Variants in CFAP61 observed in about 807,000 individuals in gnomAD.
CFAP61 encodes cilia and flagella associated protein 61.
Under a neutral mutation model 135.6 loss-of-function variants are expected in CFAP61, and 107 were observed. The ratio of observed to expected loss-of-function variants is 0.79; its 90% CI spans 0.67 to 0.93. The LOEUF (loss-of-function observed/expected upper bound fraction) is 0.93. Ranked by LOEUF, CFAP61 falls within the 40% of genes least tolerant of loss-of-function variation. The probability of loss-of-function intolerance (pLI) is 0.00; values close to 1 mark genes in which losing one functional copy is unlikely to be tolerated. For synonymous variants in CFAP61, 575 were observed against 578.5 expected (o/e 0.99, Z 0.09); for missense variants, 1,507 against 1,556.2 (o/e 0.97, Z 0.53).
intron 22 of CFAP61, among the ~76,000 whole-genome samples, chr20:20,285,860 G>A (rs1304409101): frequency 6.6e-6 from 1 of 150,874 alleles, no homozygotes; most frequent in African/African-American, 2.4e-5. Flanking sequence ...GGTCAAGGCT[G>A]CAGTAAGCTG....
chr20:20,244,780 T>C (rs1334051357), intron 18 of CFAP61, among the ~76,000 whole-genome samples: 1 of 152,226 alleles, frequency 6.6e-6, no homozygotes, highest in African/African-American at 2.4e-5. Flanking sequence ...AAGCTGCAAA[T>C]TTTCCAAACT....
intron 17 of CFAP61, chr20:20,200,965 A>G: frequency 1.0e-6 from 1 of 985,294 alleles, no homozygotes; most frequent in Non-Finnish European, 1.2e-6. Flanking sequence ...ATTCATCTTT[A>G]TATTTGTAAA....
At chr20:20,229,739 A>G (rs2048997619) in intron 18 of CFAP61, among the ~76,000 whole-genome samples, 1 of 152,264 alleles carries the variant, frequency 6.6e-6, no homozygotes, top group Non-Finnish European at 1.5e-5. Context: ...TCAGTTCTCC[A>G]GAACATACTC....
intron 25 of CFAP61, among the ~76,000 whole-genome samples, chr20:20,326,127 T>C (rs543376162): frequency 1.8e-4 from 28 of 152,298 alleles, no homozygotes; most frequent in African/African-American, 6.0e-4. Context: ...TATGTCTTCT[T>C]TGGTGACGTG....
chr20:20,068,722 A>G (rs1485505614), intron 2 of CFAP61, among the ~76,000 whole-genome samples: 1 of 152,148 alleles, frequency 6.6e-6, no homozygotes, highest in Non-Finnish European at 1.5e-5. Context: ...TTTTTGTTTT[A>G]AATGTTACAT....
chr20:20,054,009 G>GTTTTT, intron 1 of CFAP61, among the ~76,000 whole-genome samples: 1 of 88,852 alleles, frequency 1.1e-5, no homozygotes, highest in Non-Finnish European at 2.6e-5. Context: ...TGTTTTTTTT[G>GTTTTT]TTTGTTTTTT....
At chr20:20,142,279 T>C (rs975009719) in intron 8 of CFAP61, among the ~76,000 whole-genome samples, 7 of 152,200 alleles carry the variant, frequency 4.6e-5, no homozygotes, top group Non-Finnish European at 7.3e-5. Flanking sequence ...TGAAAATAAT[T>C]TCTATTACGA....
chr20:20,178,799 C>G (rs563873509), intron 13 of CFAP61, among the ~76,000 whole-genome samples: 65 of 152,154 alleles, frequency 4.3e-4, no homozygotes, highest in Admixed American at 1.5e-3. Flanking sequence ...AGTCCTTGGC[C>G]CCTTCTGCTT....
chr20:20,251,562 C>T (rs2050910889), intron 19 of CFAP61, 33 bp from the exon 20 acceptor site: 3 of 1,608,844 alleles, frequency 1.9e-6, no homozygotes, highest in Non-Finnish European at 2.5e-6. Flanking sequence ...GTCAGCTGCT[C>T]AGATGTCACT....
At chr20:20,171,796 A>G (rs1175060496) in intron 13 of CFAP61, 11 of 709,640 alleles carry the variant, frequency 1.6e-5, no homozygotes, top group Non-Finnish European at 2.6e-5. Flanking sequence ...TTTGTCTGGG[A>G]AGGAGTTCAT....
intron 18 of CFAP61, among the ~76,000 whole-genome samples, chr20:20,235,101 G>A (rs559003245): frequency 6.6e-6 from 1 of 152,078 alleles, no homozygotes; most frequent in Non-Finnish European, 1.5e-5. Context: ...CCCGAGGACT[G>A]GGGGAGCCGG....
rs756033815 is a variant in CFAP61 at position 20,251,569 on chromosome 20, CACTT to C, written c.2160-23_2160-20del. ...TGCCCGCTGTCAGCTGCTCAGATGT[CACTT>C]ACGGAGCTTCTCTCTTTGCAGCCAC... On this transcript the variant is annotated intron_variant, in intron 19 of 26. Coordinates refer to ENST00000245957, the MANE Select transcript of CFAP61 (RefSeq NM_015585.4). The C allele has an allele frequency of 6.2e-6, 10 of 1,610,910 alleles. No homozygotes were observed. The East Asian group carries it at 1.3e-4, about 22-fold the overall frequency.
chr20:20,305,886 C>G (rs1366787699), intron 25 of CFAP61, among the ~76,000 whole-genome samples: 1 of 151,836 alleles, frequency 6.6e-6, no homozygotes, highest in East Asian at 1.9e-4. Context: ...CAGATCCTTA[C>G]CTAGAGATGT....
Position 20,360,349 on chromosome 20 carries a change from T to A in CFAP61, c.3653T>A (p.Leu1218His). Residue 1218 changes from leucine to histidine, a missense_variant, in exon 27 of 27, where the codon CTT becomes CAT. Coordinates refer to ENST00000245957, the MANE Select transcript of CFAP61 (RefSeq NM_015585.4). ...AAAACCCTGGTGGAGAGAAGCACTC[T>A]TGACTACCTGCACTATAACCGCTAC... ...IYKTLVERST[L>H]DYLHYNRYHL... 6.2e-7 allele frequency: 1 copy of A among 1,613,904 alleles called. No homozygotes were observed. The highest frequency in any genetic ancestry group is 8.5e-7 in the Non-Finnish European group (1 of 1,180,028).
At chr20:20,181,298 C>CAT (rs2055079291) in intron 13 of CFAP61, among the ~76,000 whole-genome samples, 2 of 150,804 alleles carry the variant, frequency 1.3e-5, no homozygotes, top group African/African-American at 4.9e-5. Context: ...CACACACACA[C>CAT]ACATAACCTT....
chr20:20,263,729 A>G (rs970666501), intron 21 of CFAP61, among the ~76,000 whole-genome samples: 3 of 152,234 alleles, frequency 2.0e-5, no homozygotes, highest in Non-Finnish European at 4.4e-5. Flanking sequence ...TCATTCAGCT[A>G]GTGAAACAAC....
chr20:20,310,025 C>T (rs574795421), intron 25 of CFAP61, among the ~76,000 whole-genome samples: 5 of 152,206 alleles, frequency 3.3e-5, no homozygotes, highest in East Asian at 1.9e-4. Flanking sequence ...GATGGAGTCT[C>T]GCTCTGTCAC....
chr20:20,182,495 G>A (rs528983159), intron 13 of CFAP61, among the ~76,000 whole-genome samples: 2 of 152,032 alleles, frequency 1.3e-5, no homozygotes, highest in African/African-American at 4.8e-5. Context: ...GTCAATAGCA[G>A]TTCAGCTTCA....
intron 17 of CFAP61, among the ~76,000 whole-genome samples, chr20:20,218,037 A>T (rs866190184): frequency 1.3e-5 from 2 of 152,234 alleles, no homozygotes; most frequent in Middle Eastern, 3.4e-3. Context: ...TGCTAAATTT[A>T]GCTCCACTGT....
Sources: allele counts gnomAD v4.1 joint callset (sites outside exome capture counted in the v4.1 genomes callset), GRCh38; gene constraint gnomAD v4.1.1; transcripts MANE v1.5; gene names NCBI Gene and HGNC (gene_info 2026-07-23, HGNC 2026-07-21).